Variants in KAZN observed in about 807,000 individuals in gnomAD.
KAZN encodes kazrin, periplakin interacting protein.
Under a neutral mutation model 87.4 loss-of-function variants are expected in KAZN, and 40 were observed. The ratio of observed to expected loss-of-function variants is 0.46; its 90% CI spans 0.36 to 0.60. KAZN has a LOEUF of 0.60. Ranked by LOEUF, KAZN falls within the 20% of genes least tolerant of loss-of-function variation. The pLI is 0.00. For missense variants in KAZN, 898 were observed against 1,073.9 expected, an observed-to-expected ratio of 0.84 and a Z score of 2.29; for synonymous variants, 466 against 458.3, an observed-to-expected ratio of 1.02 and a Z score of -0.22.
rs201859946 is a variant in KAZN at position 14,092,786 on chromosome 1, C to T, written c.92-87649C>T. 6.6e-5 allele frequency among the ~76,000 whole-genome samples: 10 copies of T among 152,164 alleles called. No individual in the cohort carries two copies. The East Asian group carries it at 7.7e-4, about 12-fold the overall frequency. ...ATCTCCTGGTTGAGTAGTTGTCCAACGCTACAATTTTTTGCATTGATTTAC... is the reference window on the plus strand; with the variant it reads ...ATCTCCTGGTTGAGTAGTTGTCCAATGCTACAATTTTTTGCATTGATTTAC... On this transcript the variant is annotated intron_variant, in intron 1 of 16. Transcript: ENST00000636203.
At chr1:14,740,763 C>A (rs1274250977) in intron 1 of KAZN, among the ~76,000 whole-genome samples, 1 of 152,182 alleles carries the variant, frequency 6.6e-6, no homozygotes, top group Non-Finnish European at 1.5e-5. Flanking sequence ...CATTCTCCTT[C>A]CTTTGCCTGG....
At chr1:14,553,885 G>A (rs936252798) in intron 2 of KAZN, among the ~76,000 whole-genome samples, 7 of 152,158 alleles carry the variant, frequency 4.6e-5, no homozygotes, top group East Asian at 1.9e-4. Context: ...TCAGTCCAGC[G>A]TAGGTTCCGG....
At chr1:14,040,751 C>T (rs146636433) in intron 1 of KAZN, among the ~76,000 whole-genome samples, 8,149 of 130,816 alleles carry the variant, frequency 0.062, 585 homozygotes, top group African/African-American at 0.17. Context: ...GGAGACAGAG[C>T]GAGACTTCAT....
chr1:14,464,259 T>C (rs1667999804), intron 2 of KAZN, among the ~76,000 whole-genome samples: 1 of 152,262 alleles, frequency 6.6e-6, no homozygotes, highest in Admixed American at 6.5e-5. Context: ...AGATGTGAGT[T>C]ACTTGGCTTG....
intron 1 of KAZN, among the ~76,000 whole-genome samples, chr1:13,917,390 T>C (rs186993012): frequency 1.7e-4 from 26 of 152,352 alleles, no homozygotes; most frequent in African/African-American, 6.3e-4. Context: ...GATGCTTGGC[T>C]TCCAAGTTTC....
chr1:14,440,940 C>T lies in KAZN; in HGVS notation c.250-158043C>T, dbSNP rs529413779. 4.6e-5 allele frequency among the ~76,000 whole-genome samples: 7 copies of T among 152,328 alleles called. No individual in the cohort carries two copies. In the South Asian group the frequency reaches 1.4e-3, roughly 32 times the overall value. On this transcript the variant is annotated intron_variant, in intron 2 of 16. Transcript: ENST00000636203. ...CTGGCAGCAACCTTCTTCTCTCCTG[C>T]TGTTGTCTCAGTGAACCACAATCAC...
chr1:14,166,896 A>G (rs1305812428), intron 1 of KAZN, among the ~76,000 whole-genome samples: 1 of 152,218 alleles, frequency 6.6e-6, no homozygotes, highest in Non-Finnish European at 1.5e-5. Flanking sequence ...TCCAGGTACA[A>G]TGAGTGAGGT....
At chr1:14,625,613 T>TA (rs1679079263) in intron 1 of KAZN, among the ~76,000 whole-genome samples, 2 of 152,320 alleles carry the variant, frequency 1.3e-5, no homozygotes, top group South Asian at 2.1e-4. Context: ...TTTGACAAGA[T>TA]AGAGTTTTGA....
chr1:14,916,977 C>T (rs1384265467), intron 1 of KAZN, among the ~76,000 whole-genome samples: 2 of 152,100 alleles, frequency 1.3e-5, no homozygotes, highest in African/African-American at 4.8e-5. Context: ...AAGGCAGCTC[C>T]ACCTGACACC....
intron 1 of KAZN, among the ~76,000 whole-genome samples, chr1:13,926,893 C>T (rs1640300529): frequency 6.6e-6 from 1 of 152,060 alleles, no homozygotes; most frequent in South Asian, 2.1e-4. Flanking sequence ...ATTTTTGCTC[C>T]CTTTCAAAGG....
intron 1 of KAZN, among the ~76,000 whole-genome samples, chr1:14,725,402 TTTATTCA>T (rs769623395): frequency 4.5e-4 from 69 of 152,218 alleles, no homozygotes; most frequent in Middle Eastern, 6.8e-3. Flanking sequence ...TGTGTAATTC[TTTATTCA>T]TTATTCATTA....
intron 2 of KAZN, among the ~76,000 whole-genome samples, chr1:14,522,256 TGACCTAACTTAAAGAGAAATATGTTCTGC>T (rs1671628309): frequency 1.3e-5 from 2 of 152,320 alleles, no homozygotes; most frequent in Admixed American, 1.3e-4. Context: ...TGCCTGTAAC[TGACCTAACTTAAAGAGAAATATGTTCTGC>T]CTCCCATCTT....
chr1:13,993,541 T>C (rs1639377191), intron 1 of KAZN, among the ~76,000 whole-genome samples: 1 of 152,228 alleles, frequency 6.6e-6, no homozygotes, highest in African/African-American at 2.4e-5. Context: ...GTAGTTGGTT[T>C]AGTCATTTGT....
At chr1:14,560,921 T>C (rs1166283407) in intron 2 of KAZN, among the ~76,000 whole-genome samples, 1 of 152,106 alleles carries the variant, frequency 6.6e-6, no homozygotes, top group Admixed American at 6.5e-5. Flanking sequence ...GGATGGTACC[T>C]AAGGCAGTTC....
intron 1 of KAZN, among the ~76,000 whole-genome samples, chr1:14,748,930 A>G (rs527592628): frequency 6.6e-6 from 1 of 152,326 alleles, no homozygotes; most frequent in African/African-American, 2.4e-5. Context: ...CGAATTTGAG[A>G]AGAAAGTTTT....
intron 2 of KAZN, among the ~76,000 whole-genome samples, chr1:14,238,816 C>T (rs950421966): frequency 1.3e-5 from 2 of 152,212 alleles, no homozygotes; most frequent in Non-Finnish European, 2.9e-5. Context: ...CGTGTGTTTG[C>T]ATCACCAGCA....
At chr1:14,766,680 C>G (rs1447403906) in intron 1 of KAZN, among the ~76,000 whole-genome samples, 1 of 149,156 alleles carries the variant, frequency 6.7e-6, no homozygotes, top group East Asian at 2.0e-4. Context: ...CCTGTTGGAG[C>G]TCACAGTCCA....
chr1:14,568,777 A>T (rs1674687757), intron 2 of KAZN, among the ~76,000 whole-genome samples: 1 of 152,190 alleles, frequency 6.6e-6, no homozygotes, highest in African/African-American at 2.4e-5. Flanking sequence ...AAGCCATGAG[A>T]TAAGGAATGG....
intron 1 of KAZN, among the ~76,000 whole-genome samples, chr1:14,740,894 C>G (rs772423473): frequency 6.6e-6 from 1 of 152,216 alleles, no homozygotes; most frequent in Non-Finnish European, 1.5e-5. Context: ...TCAGTTTTAT[C>G]GTTTCCTGGG....
Sources: allele counts gnomAD v4.1 joint callset (sites outside exome capture counted in the v4.1 genomes callset), GRCh38; gene constraint gnomAD v4.1.1; transcripts MANE v1.5; gene names NCBI Gene and HGNC (gene_info 2026-07-23, HGNC 2026-07-21).